PRKAG2: variants seen among roughly 807,000 people sequenced by gnomAD.
PRKAG2 encodes the protein protein kinase AMP-activated non-catalytic subunit gamma 2.
In PRKAG2, 26 loss-of-function variants were observed where a neutral mutation model predicts 69.6. That is an observed-to-expected ratio of 0.37 (90% CI 0.27 to 0.52). The LOEUF is 0.52. PRKAG2 is among the 20% of genes least tolerant of loss of function. The probability of loss-of-function intolerance (pLI) is 0.90; values close to 1 mark genes in which losing one functional copy is unlikely to be tolerated. For synonymous variants in PRKAG2, 293 were observed against 285.0 expected (o/e 1.03, Z -0.28); for missense variants, 557 against 740.0 (o/e 0.75, Z 2.87).
intron 1 of PRKAG2, among the ~76,000 whole-genome samples, chr7:151,834,492 A>G (rs1173936769): frequency 2.3e-5 from 3 of 128,344 alleles, no homozygotes; most frequent in Non-Finnish European, 5.2e-5. Flanking sequence ...ACGTTGTTTG[A>G]TGTGGGTTTC....
intron 1 of PRKAG2, among the ~76,000 whole-genome samples, chr7:151,855,486 C>T (rs1352863101): frequency 8.0e-6 from 1 of 125,040 alleles, no homozygotes; most frequent in African/African-American, 3.0e-5. Context: ...ACACACCACC[C>T]TCCACACACC....
At chr7:151,792,551 C>T (rs1180404658) in intron 1 of PRKAG2, among the ~76,000 whole-genome samples, 1 of 152,216 alleles carries the variant, frequency 6.6e-6, no homozygotes, top group Non-Finnish European at 1.5e-5. Context: ...AGATGCAGTT[C>T]CGACCTTCCA....
intron 4 of PRKAG2, among the ~76,000 whole-genome samples, chr7:151,674,533 C>G (rs969982615): frequency 2.0e-5 from 3 of 152,194 alleles, no homozygotes; most frequent in African/African-American, 7.2e-5. Context: ...CCAGCAGTGA[C>G]AGCTGGGGTC....
At chr7:151,872,113 T>C (rs2080231601) in intron 1 of PRKAG2, among the ~76,000 whole-genome samples, 1 of 152,194 alleles carries the variant, frequency 6.6e-6, no homozygotes, top group African/African-American at 2.4e-5. Context: ...ACCCGGGCTA[T>C]GACCAGACTC....
chr7:151,649,899 AGAGAATG>A (rs145576239), intron 4 of PRKAG2, among the ~76,000 whole-genome samples: 20 of 152,246 alleles, frequency 1.3e-4, no homozygotes, highest in African/African-American at 4.8e-4. Context: ...TATAGCAATG[AGAGAATG>A]GACTCATACA....
chr7:151,775,668 T>C (rs1192569172), intron 3 of PRKAG2, among the ~76,000 whole-genome samples: 1 of 152,380 alleles, frequency 6.6e-6, no homozygotes, highest in African/African-American at 2.4e-5. Flanking sequence ...ACACGATTAA[T>C]GTCTGCTAGA....
chr7:151,606,422 A>C (rs903942070), intron 5 of PRKAG2, among the ~76,000 whole-genome samples: 1 of 152,272 alleles, frequency 6.6e-6, no homozygotes, highest in African/African-American at 2.4e-5. Flanking sequence ...TTGGAGGAAG[A>C]AATAAATTGA....
At position 151,723,600 on chromosome 7, in the gene PRKAG2, C is replaced by T. The variant is rs1797468341; in HGVS notation, c.467-47963G>A. 2.0e-5 allele frequency among the ~76,000 whole-genome samples: 3 copies of T among 152,198 alleles called. No individual in the cohort carries two copies. The South Asian group carries it at 6.2e-4, about 32-fold the overall frequency. On this transcript the variant is annotated intron_variant, in intron 3 of 15. Transcript: ENST00000287878. Reference sequence around the variant, plus strand: ...GCCTTGCCTTTGGTGATTGTTTCCACTTGGCCCCTGCCATGCTGGGACCCA... The same window carrying T: ...GCCTTGCCTTTGGTGATTGTTTCCATTTGGCCCCTGCCATGCTGGGACCCA...
At chr7:151,794,433 T>C (rs934607396) in intron 1 of PRKAG2, among the ~76,000 whole-genome samples, 1 of 152,224 alleles carries the variant, frequency 6.6e-6, no homozygotes, top group Non-Finnish European at 1.5e-5. Flanking sequence ...TCATCCTTCT[T>C]ATCACGGGCT....
In PRKAG2 at chr7:151,675,226, T is replaced by C. The variant is rs572206252; in HGVS notation, c.684+194A>G. The C allele has an allele frequency of 5.5e-5, 37 of 678,206 alleles. No individual in the cohort carries two copies. In the East Asian group the frequency reaches 9.9e-4, roughly 18 times the overall value. The allele number at this position is 678,206 out of a possible 1,614,324, so 42.0% of individuals were successfully genotyped here. A position where few individuals can be genotyped will look rare whatever the true frequency, so the allele number is the denominator to read the frequency against. On this transcript the variant is annotated intron_variant, in intron 4 of 15. Coordinates refer to ENST00000287878, the MANE Select transcript of PRKAG2 (RefSeq NM_016203.4). The stretch of plus-strand genomic sequence containing the variant: ...GTGAGCCACCGCACCCAGCTATTTT[T>C]TGTGTATTTCCATTTGCTATTGTGC...
intron 12 of PRKAG2, 122 bp from the exon 13 acceptor site, chr7:151,565,505 AAATG>A: frequency 1.0e-6 from 1 of 987,870 alleles, no homozygotes; most frequent in East Asian, 2.6e-5. Context: ...TGTCTATTTT[AAATG>A]AAAACTTAGA....
intron 1 of PRKAG2, among the ~76,000 whole-genome samples, chr7:151,855,194 C>A (rs1586728662): frequency 6.1e-5 from 1 of 16,264 alleles, no homozygotes; most frequent in East Asian, 2.0e-3. Flanking sequence ...ACACCACCCT[C>A]CACACACACC....
intron 1 of PRKAG2, among the ~76,000 whole-genome samples, chr7:151,867,547 G>T (rs1430938385): frequency 1.3e-5 from 2 of 152,154 alleles, no homozygotes; most frequent in East Asian, 1.9e-4. Context: ...GTGGATGAGG[G>T]CCGGTCCTAA....
chr7:151,655,680 C>G (rs964823654), intron 4 of PRKAG2, among the ~76,000 whole-genome samples: 1 of 152,136 alleles, frequency 6.6e-6, no homozygotes, highest in East Asian at 1.9e-4. Flanking sequence ...AAGGATGGGA[C>G]TCATCTAAAC....
intron 3 of PRKAG2, among the ~76,000 whole-genome samples, chr7:151,728,259 C>T (rs1798327530): frequency 6.6e-6 from 1 of 152,188 alleles, no homozygotes; most frequent in Non-Finnish European, 1.5e-5. Context: ...AGCACCTGGA[C>T]TTTGCCTATT....
chr7:151,742,540 C>A (rs2073966620), intron 3 of PRKAG2, among the ~76,000 whole-genome samples: 1 of 152,030 alleles, frequency 6.6e-6, no homozygotes, highest in Non-Finnish European at 1.5e-5. Flanking sequence ...AGGAGAATCA[C>A]TTGAACCCGG....
At chr7:151,860,190 G>T (rs1244601196) in intron 1 of PRKAG2, among the ~76,000 whole-genome samples, 1 of 152,194 alleles carries the variant, frequency 6.6e-6, no homozygotes, top group African/African-American at 2.4e-5. Flanking sequence ...CCCAGCCACT[G>T]CCCCTTCTCC....
chr7:151,751,675 T>TTGTG (rs1463195792), intron 3 of PRKAG2, among the ~76,000 whole-genome samples: 3 of 68,332 alleles, frequency 4.4e-5, no homozygotes, highest in Non-Finnish European at 9.0e-5. Context: ...CCAGCTATTT[T>TTGTG]TGTTTGTTTG....
At chr7:151,636,098 G>A (rs964806135) in intron 4 of PRKAG2, among the ~76,000 whole-genome samples, 2 of 151,790 alleles carry the variant, frequency 1.3e-5, no homozygotes, top group African/African-American at 2.4e-5. Context: ...TGATCCACCC[G>A]CCTCAGACTC....
Sources: allele counts gnomAD v4.1 joint callset (sites outside exome capture counted in the v4.1 genomes callset), GRCh38; gene constraint gnomAD v4.1.1; transcripts MANE v1.5; gene names NCBI Gene and HGNC (gene_info 2026-07-23, HGNC 2026-07-21).